The following MARCHF1 variants were observed in gnomAD, a reference collection of about 807,000 sequenced individuals.
MARCHF1 encodes the protein E3 ubiquitin-protein ligase MARCHF1.
In MARCHF1, 40 loss-of-function variants were observed where a neutral mutation model predicts 54.2. The ratio of observed to expected loss-of-function variants is 0.74; its 90% CI spans 0.57 to 0.96. MARCHF1 has a LOEUF of 0.96. Ranked by LOEUF, MARCHF1 falls within the 40% of genes least tolerant of loss-of-function variation. The probability of loss-of-function intolerance (pLI) is 0.00; values close to 1 mark genes in which losing one functional copy is unlikely to be tolerated. For synonymous variants in MARCHF1, 236 were observed against 236.3 expected (o/e 1.00, Z 0.01); for missense variants, 586 against 656.5 (o/e 0.89, Z 1.17).
chr4:163,711,234 AG>A (rs1432344506), intron 4 of MARCHF1, among the ~76,000 whole-genome samples: 2 of 152,226 alleles, frequency 1.3e-5, no homozygotes, highest in Non-Finnish European at 2.9e-5. Context: ...CAAAATGGAA[AG>A]ACCCATTGCT....
intron 2 of MARCHF1, among the ~76,000 whole-genome samples, chr4:163,996,191 A>C (rs1021749499): frequency 5.3e-5 from 8 of 151,916 alleles, no homozygotes; most frequent in African/African-American, 1.9e-4. Context: ...AATTAATCTA[A>C]CATTAGTAAT....
chr4:164,189,558 G>T, intron 1 of MARCHF1: 1 of 912,094 alleles, frequency 1.1e-6, no homozygotes, highest in Non-Finnish European at 1.8e-6. Context: ...AAGCTGTAGT[G>T]CATGGTGCTG....
intron 3 of MARCHF1, chr4:163,932,798 C>T: frequency 3.3e-6 from 2 of 610,166 alleles, no homozygotes; most frequent in South Asian, 2.8e-5. Flanking sequence ...GATCGATCGG[C>T]ACCATGGTCC....
At chr4:164,080,826 A>G (rs1227599911) in intron 2 of MARCHF1, among the ~76,000 whole-genome samples, 1 of 152,142 alleles carries the variant, frequency 6.6e-6, no homozygotes, top group African/African-American at 2.4e-5. Context: ...TTCAGGGGGA[A>G]AAATAGAAAA....
At chr4:163,679,426 G>T (rs768933806) in intron 5 of MARCHF1, among the ~76,000 whole-genome samples, 5 of 151,938 alleles carry the variant, frequency 3.3e-5, no homozygotes, top group Non-Finnish European at 7.4e-5. Context: ...TCTTCATCCC[G>T]GTAATAAAGA....
chr4:164,274,667 T>C (rs1212763158), intron 1 of MARCHF1, among the ~76,000 whole-genome samples: 1,800 of 95,822 alleles, frequency 0.019, 369 homozygotes, highest in East Asian at 0.084. Context: ...CACTTTTTTT[T>C]TTTTTTTTTT....
chr4:164,202,426 A>G (rs1012888479), intron 1 of MARCHF1, among the ~76,000 whole-genome samples: 2 of 152,244 alleles, frequency 1.3e-5, no homozygotes, highest in Admixed American at 6.5e-5. Flanking sequence ...GGAAGAAGTT[A>G]TGGAGTATGT....
intron 2 of MARCHF1, among the ~76,000 whole-genome samples, chr4:164,042,919 A>C (rs1199747683): frequency 1.3e-5 from 2 of 152,168 alleles, no homozygotes; most frequent in African/African-American, 4.8e-5. Flanking sequence ...TTCAATATTA[A>C]AGTTCCAAAA....
At chr4:163,725,898 A>G (rs1488646338) in intron 4 of MARCHF1, among the ~76,000 whole-genome samples, 3 of 152,260 alleles carry the variant, frequency 2.0e-5, no homozygotes, top group Non-Finnish European at 2.9e-5. Flanking sequence ...AACTATGCTT[A>G]GGATGACATC....
At chr4:163,781,123 G>GGGC (rs560013185) in intron 4 of MARCHF1, among the ~76,000 whole-genome samples, 3 of 152,042 alleles carry the variant, frequency 2.0e-5, no homozygotes, top group Non-Finnish European at 2.9e-5. Context: ...GGGCGGGGGG[G>GGGC]GTGGATCACT....
intron 4 of MARCHF1, among the ~76,000 whole-genome samples, chr4:163,772,096 A>G (rs911310454): frequency 2.0e-5 from 3 of 152,182 alleles, no homozygotes; most frequent in African/African-American, 7.2e-5. Flanking sequence ...ACAGACTCAC[A>G]ATCTGCATAT....
intron 1 of MARCHF1, among the ~76,000 whole-genome samples, chr4:164,123,254 A>C (rs2110783833): frequency 6.6e-6 from 1 of 152,238 alleles, no homozygotes; most frequent in Non-Finnish European, 1.5e-5. Context: ...TAACCAAATA[A>C]GTAAAAGACC....
At chr4:164,037,071 G>A (rs1754021421) in intron 2 of MARCHF1, among the ~76,000 whole-genome samples, 2 of 152,154 alleles carry the variant, frequency 1.3e-5, no homozygotes, top group Non-Finnish European at 2.9e-5. Context: ...AAGATTTGGG[G>A]CTTGAACAAT....
chr4:163,618,651 T>C (rs1741587523), intron 5 of MARCHF1, among the ~76,000 whole-genome samples: 1 of 152,184 alleles, frequency 6.6e-6, no homozygotes, highest in Non-Finnish European at 1.5e-5. Context: ...CTGCCTCTTG[T>C]TGTGGAACCC....
intron 1 of MARCHF1, among the ~76,000 whole-genome samples, chr4:164,284,319 TGAGAGAGAGAGAGACA>T (rs1270262835): frequency 2.0e-4 from 25 of 126,148 alleles, no homozygotes; most frequent in South Asian, 4.8e-4. Flanking sequence ...CTAAAGAAAG[TGAGAGAGAGAGAGACA>T]GAGAGAGAGA....
chr4:163,999,950 TAA>T (rs1169036153), intron 2 of MARCHF1, among the ~76,000 whole-genome samples: 1 of 151,734 alleles, frequency 6.6e-6, no homozygotes, highest in Non-Finnish European at 1.5e-5. Context: ...AACATGTTAA[TAA>T]AGAGTTCTGA....
At chr4:163,664,859 G>C (rs917593726) in intron 5 of MARCHF1, among the ~76,000 whole-genome samples, 1 of 151,406 alleles carries the variant, frequency 6.6e-6, no homozygotes, top group Non-Finnish European at 1.5e-5. Flanking sequence ...TAGGGCTTAG[G>C]GCCTATGATA....
At chr4:163,566,455 C>T (rs886225912) in intron 8 of MARCHF1, among the ~76,000 whole-genome samples, 1 of 152,180 alleles carries the variant, frequency 6.6e-6, no homozygotes, top group African/African-American at 2.4e-5. Flanking sequence ...AATCTGCACA[C>T]GATGATGGCT....
At chr4:164,001,020 A>T (rs1039698468) in intron 2 of MARCHF1, among the ~76,000 whole-genome samples, 7 of 151,804 alleles carry the variant, frequency 4.6e-5, no homozygotes, top group Admixed American at 1.3e-4. Context: ...AAGAAATTTT[A>T]AAAAAGTGAT....
Sources: gnomAD v4.1 joint callset for allele counts (sites outside exome capture counted in the v4.1 genomes callset) on GRCh38, gnomAD v4.1.1 for gene constraint, MANE v1.5 for transcripts, NCBI Gene and HGNC (gene_info 2026-07-23, HGNC 2026-07-21) for gene names.